Variants in TMEM150C observed in about 807,000 individuals in gnomAD.
TMEM150C encodes tentonin 3.
Under a neutral mutation model 29.9 loss-of-function variants are expected in TMEM150C, and 10 were observed. The observed-to-expected ratio is 0.33, with a 90% CI of 0.21 to 0.57. The LOEUF (loss-of-function observed/expected upper bound fraction) is 0.57, where lower values mean the gene tolerates loss of function less well. TMEM150C is among the 20% of genes least tolerant of loss of function. TMEM150C has a pLI of 0.88. For missense variants in TMEM150C, 251 were observed against 303.6 expected (o/e 0.83, Z 1.29); for synonymous variants, 101 against 112.5 (o/e 0.90, Z 0.64).
At chr4:82,486,553 A>G (rs967281065) in intron 7 of TMEM150C, among the ~76,000 whole-genome samples, 1 of 151,962 alleles carries the variant, frequency 6.6e-6, no homozygotes, top group Non-Finnish European at 1.5e-5. Context: ...TACTGTATAG[A>G]CCAGTTTCAT....
chr4:82,531,658 G>A (rs1724849571), intron 1 of TMEM150C, among the ~76,000 whole-genome samples: 2 of 151,546 alleles, frequency 1.3e-5, no homozygotes, highest in African/African-American at 4.9e-5. Flanking sequence ...GGGAGGCTGA[G>A]GCAGGAGAAG....
At chr4:82,488,842 C>A (rs2110061505) in intron 7 of TMEM150C, among the ~76,000 whole-genome samples, 1 of 152,272 alleles carries the variant, frequency 6.6e-6, no homozygotes, top group East Asian at 1.9e-4. Flanking sequence ...TGGTCTTGAA[C>A]TCCTGGGCTT....
intron 6 of TMEM150C, chr4:82,494,652 A>C (rs1394548479): frequency 5.9e-6 from 1 of 170,602 alleles, no homozygotes; most frequent in Non-Finnish European, 1.3e-5. Context: ...TGCTTTTCTC[A>C]GTAGCCACAC....
chr4:82,547,571 G>A (rs1009333200), intron 1 of TMEM150C, among the ~76,000 whole-genome samples: 6 of 151,516 alleles, frequency 4.0e-5, no homozygotes, highest in African/African-American at 1.2e-4. Context: ...CCTGGGCATC[G>A]CAGCAAGACT....
At chr4:82,502,611 C>T (rs547760796) in intron 5 of TMEM150C, 116 bp downstream of exon 5, 254 of 1,011,698 alleles carry the variant, frequency 2.5e-4, no homozygotes, top group African/African-American at 2.1e-3. Flanking sequence ...ATATTGACAT[C>T]GTATGATACT....
At chr4:82,561,862 G>T in intron 1 of TMEM150C, 44 bp downstream of exon 1, 3 of 982,858 alleles carry the variant, frequency 3.1e-6, no homozygotes, top group Non-Finnish European at 3.6e-6. Context: ...GACGCCCCCT[G>T]GCTGCGCGAC....
chr4:82,489,732 G>GA lies in TMEM150C; in HGVS notation c.541+328dup, dbSNP rs1194828074. Among the ~76,000 whole-genome samples, 3 of 151,926 alleles carry GA rather than the reference G, an allele frequency of 2.0e-5. No individual in the cohort carries two copies. In the East Asian group the frequency reaches 5.8e-4, roughly 29 times the overall value. On this transcript the variant is annotated intron_variant, in intron 7 of 7. Coordinates refer to ENST00000449862, the MANE Select transcript of TMEM150C (RefSeq NM_001080506.3). The stretch of plus-strand genomic sequence containing the variant: ...ACAAATGCATTTTTTTAAGCTGGAG[G>GA]AAAAAAATGGCAATTCTCTTTTGGC...
At chr4:82,560,639 C>G (rs761999967) in intron 1 of TMEM150C, among the ~76,000 whole-genome samples, 2 of 152,154 alleles carry the variant, frequency 1.3e-5, no homozygotes, top group Non-Finnish European at 2.9e-5. Flanking sequence ...ATGGGCCTAA[C>G]AATTTTTCCT....
At chr4:82,495,751 T>A (rs1723535432) in intron 6 of TMEM150C, 6 of 366,386 alleles carry the variant, frequency 1.6e-5, no homozygotes, top group Admixed American at 3.5e-5. Flanking sequence ...TCGGACCACA[T>A]AACCCTTCCA....
intron 1 of TMEM150C, among the ~76,000 whole-genome samples, chr4:82,505,008 C>A (rs1470046101): frequency 6.6e-6 from 1 of 151,826 alleles, no homozygotes; most frequent in East Asian, 1.9e-4. Flanking sequence ...CCAGCCTGGG[C>A]GTCAGAGCGA....
intron 1 of TMEM150C, among the ~76,000 whole-genome samples, chr4:82,546,846 AAAAT>A (rs1436291390): frequency 1.3e-5 from 2 of 152,026 alleles, no homozygotes; most frequent in Non-Finnish European, 2.9e-5. Context: ...TAAATAAAAT[AAAAT>A]AAATAAAACT....
intron 1 of TMEM150C, among the ~76,000 whole-genome samples, chr4:82,561,701 G>A (rs1725938330): frequency 6.8e-6 from 1 of 147,222 alleles, no homozygotes; most frequent in Admixed American, 6.8e-5. Flanking sequence ...CCCGCGGAGG[G>A]CTCGGGCGGG....
chr4:82,554,364 T>A (rs1184157198), intron 1 of TMEM150C, among the ~76,000 whole-genome samples: 1 of 152,218 alleles, frequency 6.6e-6, no homozygotes, highest in African/African-American at 2.4e-5. Flanking sequence ...AAAAAAATAC[T>A]ATTTCTATTG....
At chr4:82,531,754 CAAAAAAAAAAA>C (rs757992713) in intron 1 of TMEM150C, among the ~76,000 whole-genome samples, 5 of 62,290 alleles carry the variant, frequency 8.0e-5, no homozygotes, top group African/African-American at 2.3e-4. Context: ...GACTCTGTCT[CAAAAAAAAAAA>C]AAAAAAAAAA....
chr4:82,491,873 C>T (rs1024413358), intron 6 of TMEM150C, among the ~76,000 whole-genome samples: 3 of 151,762 alleles, frequency 2.0e-5, no homozygotes, highest in Admixed American at 1.3e-4. Context: ...ACAACTAAAA[C>T]CCTTTAAGCT....
intron 1 of TMEM150C, among the ~76,000 whole-genome samples, chr4:82,513,994 A>G (rs1019392927): frequency 2.0e-5 from 3 of 152,360 alleles, no homozygotes; most frequent in Non-Finnish European, 4.4e-5. Flanking sequence ...TGCACTCTCA[A>G]ACTTCCAAAT....
intron 1 of TMEM150C, among the ~76,000 whole-genome samples, chr4:82,515,792 C>G (rs1022645251): frequency 2.6e-5 from 4 of 151,550 alleles, no homozygotes; most frequent in African/African-American, 9.7e-5. Context: ...AGTGATTTCA[C>G]GTGCCTTCCT....
chr4:82,486,559 T>C (rs1435577440), intron 7 of TMEM150C, among the ~76,000 whole-genome samples: 1 of 152,022 alleles, frequency 6.6e-6, no homozygotes, highest in African/African-American at 2.4e-5. Context: ...ATAGACCAGT[T>C]TCATTCCTCG....
In TMEM150C at chr4:82,500,774, T is replaced by C. The variant is rs1276283926; in HGVS notation, c.235+1953A>G. Reference sequence around the variant, plus strand: ...CTTAAAGACCACTGGGAAATATCAATTTGTCTTAAGCATACAAAGGAAACA... The same window carrying C: ...CTTAAAGACCACTGGGAAATATCAACTTGTCTTAAGCATACAAAGGAAACA... On this transcript the variant is annotated intron_variant, in intron 5 of 7. Coordinates refer to ENST00000449862, the MANE Select transcript of TMEM150C (RefSeq NM_001080506.3). Among the ~76,000 whole-genome samples the C allele has an allele frequency of 2.6e-5, 4 of 152,260 alleles. No homozygotes were observed. In the East Asian group the frequency reaches 5.8e-4, roughly 22 times the overall value.
Sources: allele counts gnomAD v4.1 joint callset (sites outside exome capture counted in the v4.1 genomes callset), GRCh38; gene constraint gnomAD v4.1.1; transcripts MANE v1.5; gene names NCBI Gene and HGNC (gene_info 2026-07-23, HGNC 2026-07-21).